CPED1: variants seen among roughly 807,000 people sequenced by gnomAD.
The protein encoded by CPED1 is cadherin like and PC-esterase domain containing 1.
In CPED1, 114 loss-of-function variants were observed where a neutral mutation model predicts 128.2. The ratio of observed to expected loss-of-function variants is 0.89; its 90% CI spans 0.76 to 1.04. CPED1 has a LOEUF of 1.04. CPED1 is among the 50% of genes least tolerant of loss of function. The pLI is 0.00. For synonymous variants in CPED1, 462 were observed against 426.7 expected, an observed-to-expected ratio of 1.08 and a Z score of -1.02; for missense variants, 1,211 against 1,207.1, an observed-to-expected ratio of 1.00 and a Z score of -0.05.
intron 16 of CPED1, among the ~76,000 whole-genome samples, chr7:121,205,448 G>A (rs986188212): frequency 4.2e-4 from 64 of 151,922 alleles, no homozygotes; most frequent in African/African-American, 1.5e-3. Flanking sequence ...TGATATTTAG[G>A]AAACTCCATT....
intron 16 of CPED1, among the ~76,000 whole-genome samples, chr7:121,170,413 CTG>C (rs1232491379): frequency 6.6e-6 from 1 of 152,190 alleles, no homozygotes; most frequent in East Asian, 1.9e-4. Flanking sequence ...TTGTGCTTCT[CTG>C]TATAAATTTA....
chr7:121,046,902 G>C lies in CPED1; in HGVS notation c.449G>C (p.Trp150Ser), dbSNP rs1204699263. The change falls in exon 4 of 23, where the codon TGG becomes TCG. Residue 150 changes from tryptophan to serine, a missense_variant. Coordinates refer to ENST00000310396, the MANE Select transcript of CPED1 (RefSeq NM_024913.5). The part of the protein sequence containing the change: ...GLLEQGDLGS[W>S]DLLICLSSKK... Reference sequence around the variant, plus strand: ...TTGCTTTTAGGTGATCTGGGCTCTTGGGATCTGCTCATTTGCCTGTCTTCT... The same window carrying C: ...TTGCTTTTAGGTGATCTGGGCTCTTCGGATCTGCTCATTTGCCTGTCTTCT... The C allele has an allele frequency of 6.2e-7, 1 of 1,610,820 alleles. No individual in the cohort carries two copies. The highest frequency in any genetic ancestry group is 8.5e-7 in the Non-Finnish European group (1 of 1,177,956).
intron 16 of CPED1, among the ~76,000 whole-genome samples, chr7:121,199,783 T>C (rs1214160423): frequency 6.6e-6 from 1 of 151,850 alleles, no homozygotes. Context: ...AATGGAAAGA[T>C]AATGTGAACC....
At chr7:121,150,757 T>A (rs10232289) in intron 16 of CPED1, among the ~76,000 whole-genome samples, 2 of 5,056 alleles carry the variant, frequency 4.0e-4, no homozygotes, top group Admixed American at 2.8e-3. Context: ...TAAAACATTA[T>A]TATTATTATT....
intron 18 of CPED1, among the ~76,000 whole-genome samples, chr7:121,258,457 G>A (rs1791940150): frequency 6.6e-6 from 1 of 152,140 alleles, no homozygotes; most frequent in Non-Finnish European, 1.5e-5. Flanking sequence ...CCTAGGCAGA[G>A]TGGTGTTTGC....
intron 16 of CPED1, among the ~76,000 whole-genome samples, chr7:121,173,290 G>A (rs1253503454): frequency 2.0e-5 from 3 of 151,992 alleles, no homozygotes; most frequent in African/African-American, 4.8e-5. Flanking sequence ...TACATGTGCA[G>A]GTTTGTTACA....
At chr7:121,112,101 G>T (rs1466299767) in intron 7 of CPED1, among the ~76,000 whole-genome samples, 1 of 152,250 alleles carries the variant, frequency 6.6e-6, no homozygotes, top group South Asian at 2.1e-4. Flanking sequence ...CCGCTACACA[G>T]TGGCAGTTTC....
intron 16 of CPED1, among the ~76,000 whole-genome samples, chr7:121,203,387 A>ACATGC (rs1797445444): frequency 6.6e-6 from 1 of 152,006 alleles, no homozygotes; most frequent in African/African-American, 2.4e-5. Flanking sequence ...AAACATACAA[A>ACATGC]TCACCCCCAT....
chr7:121,131,838 C>T (rs925093779), intron 12 of CPED1, among the ~76,000 whole-genome samples: 7 of 151,918 alleles, frequency 4.6e-5, no homozygotes, highest in African/African-American at 1.7e-4. Context: ...AGTATGATTA[C>T]ATAAAATTTC....
chr7:121,106,746 GTGT>G (rs1215232454), intron 7 of CPED1, among the ~76,000 whole-genome samples: 2 of 152,224 alleles, frequency 1.3e-5, no homozygotes, highest in East Asian at 1.9e-4. Flanking sequence ...AAAAGAGCAA[GTGT>G]TGTTTCTCTG....
chr7:120,989,896 G>A (rs1796283030), intron 2 of CPED1, 26 bp downstream of exon 2: 8 of 1,611,484 alleles, frequency 5.0e-6, no homozygotes, highest in Non-Finnish European at 6.8e-6. Flanking sequence ...GCTTAACGGA[G>A]ACAGTTTCTG....
chr7:121,246,886 T>C (rs922503815), intron 18 of CPED1, among the ~76,000 whole-genome samples: 13 of 152,248 alleles, frequency 8.5e-5, no homozygotes, highest in African/African-American at 3.1e-4. Context: ...GGGCTTATCT[T>C]TGTGACTCTC....
intron 3 of CPED1, among the ~76,000 whole-genome samples, chr7:121,032,521 G>A (rs1295482563): frequency 6.7e-6 from 1 of 149,008 alleles, no homozygotes; most frequent in African/African-American, 2.5e-5. Context: ...ACATCATACC[G>A]CGGGGGGGGC....
intron 19 of CPED1, 34 bp from the exon 20 acceptor site, chr7:121,266,673 G>A: frequency 6.6e-7 from 1 of 1,522,692 alleles, no homozygotes; most frequent in Non-Finnish European, 9.1e-7. Flanking sequence ...TCTGTTTTAG[G>A]GCAACATGTG....
intron 16 of CPED1, among the ~76,000 whole-genome samples, chr7:121,162,939 G>A (rs948013222): frequency 6.6e-6 from 1 of 152,128 alleles, no homozygotes; most frequent in Non-Finnish European, 1.5e-5. Context: ...CCCTAGAACT[G>A]GTAAGAGGCC....
intron 4 of CPED1, among the ~76,000 whole-genome samples, chr7:121,060,318 GC>G (rs1228804583): frequency 6.6e-6 from 1 of 152,270 alleles, no homozygotes; most frequent in African/African-American, 2.4e-5. Flanking sequence ...GCTGAGGAGT[GC>G]GGGCGCACGG....
At chr7:121,004,622 G>C (rs1219864423) in intron 2 of CPED1, among the ~76,000 whole-genome samples, 2 of 152,176 alleles carry the variant, frequency 1.3e-5, no homozygotes, top group Non-Finnish European at 2.9e-5. Context: ...ATGGAGGTGG[G>C]AGGATGAGAA....
intron 3 of CPED1, among the ~76,000 whole-genome samples, chr7:121,019,398 A>C (rs949687035): frequency 2.6e-5 from 4 of 152,072 alleles, no homozygotes; most frequent in South Asian, 2.1e-4. Flanking sequence ...GACAAAGTAA[A>C]GTCCAGTCAG....
rs750819389 is a variant in CPED1 at position 121,271,389 on chromosome 7, A to C, written c.2827A>C (p.Lys943Gln). Residue 943 changes from lysine (K) to glutamine (Q), a missense_variant, in exon 22 of 23, where the codon AAA (lysine) becomes CAA (glutamine). Physicochemically the swap from Lys to Gln is moderately conservative, Grantham distance 53. Transcript: ENST00000310396. ...ATTCACTATAACAATGGGGCGTTAC[A>C]AAGAGTTTCTACAGGGGAAGTGTGG... is the stretch of plus-strand genomic sequence containing the variant. ...DTFTITMGRY[K>Q]EFLQGKCGCH... The C allele has an allele frequency of 6.2e-7, 1 of 1,613,016 alleles. No homozygotes were observed. Among genetic ancestry groups the C allele is most frequent in the South Asian group, 1.1e-5 (1 of 91,028 alleles).
Sources: allele counts gnomAD v4.1 joint callset (sites outside exome capture counted in the v4.1 genomes callset), GRCh38; gene constraint gnomAD v4.1.1; transcripts MANE v1.5; gene names NCBI Gene and HGNC (gene_info 2026-07-23, HGNC 2026-07-21).